Variants in ADGRA3 observed in about 807,000 individuals in gnomAD.
ADGRA3 encodes G-protein coupled receptor 125.
ADGRA3 carries 56 observed loss-of-function variants against 119.8 expected under a neutral mutation model. The ratio of observed to expected loss-of-function variants is 0.47; its 90% CI spans 0.38 to 0.58. ADGRA3 has a LOEUF of 0.58. Among genes scored for constraint, ADGRA3 ranks in the 20% least tolerant of loss-of-function variants. ADGRA3 has a pLI of 0.00. For missense variants in ADGRA3, 1,516 were observed against 1,649.0 expected (o/e 0.92, Z 1.40); for synonymous variants, 607 against 623.8 (o/e 0.97, Z 0.40).
intron 2 of ADGRA3, among the ~76,000 whole-genome samples, chr4:22,471,301 G>A (rs927409534): frequency 5.9e-5 from 9 of 152,114 alleles, no homozygotes; most frequent in Admixed American, 2.0e-4. Context: ...ACAGAGGCTG[G>A]GGCCTACTTG....
intron 10 of ADGRA3, among the ~76,000 whole-genome samples, chr4:22,432,519 A>G (rs1353553886): frequency 6.6e-6 from 1 of 152,242 alleles, no homozygotes; most frequent in Non-Finnish European, 1.5e-5. Flanking sequence ...GTAAAAATCT[A>G]TATATAAACT....
chr4:22,501,921 G>C (rs991878476), intron 1 of ADGRA3, among the ~76,000 whole-genome samples: 4 of 38,632 alleles, frequency 1.0e-4, no homozygotes, highest in African/African-American at 5.3e-4. Flanking sequence ...ACTCGAATGT[G>C]TAATTTTTTT....
intron 12 of ADGRA3, among the ~76,000 whole-genome samples, chr4:22,419,823 GA>G (rs1715578736): frequency 6.6e-6 from 1 of 152,016 alleles, no homozygotes; most frequent in South Asian, 2.1e-4. Context: ...AGGTCCAAAG[GA>G]GTGTGGCACA....
intron 1 of ADGRA3, among the ~76,000 whole-genome samples, chr4:22,493,639 G>C (rs1290569127): frequency 6.6e-6 from 1 of 152,108 alleles, no homozygotes; most frequent in Admixed American, 6.6e-5. Context: ...CGAAGGTGGG[G>C]CCTAGCAATC....
chr4:22,451,443 C>G (rs946919266), intron 4 of ADGRA3, among the ~76,000 whole-genome samples: 4 of 152,040 alleles, frequency 2.6e-5, no homozygotes, highest in Non-Finnish European at 4.4e-5. Flanking sequence ...TACAGTGGGA[C>G]AGAGTGAGAA....
intron 12 of ADGRA3, among the ~76,000 whole-genome samples, chr4:22,415,266 T>C (rs1715383104): frequency 6.6e-6 from 1 of 152,198 alleles, no homozygotes; most frequent in African/African-American, 2.4e-5. Flanking sequence ...AAAACAATTC[T>C]ACTTAAGCAA....
chr4:22,469,128 C>T (rs1293996827), intron 2 of ADGRA3, among the ~76,000 whole-genome samples: 5 of 152,048 alleles, frequency 3.3e-5, no homozygotes, highest in South Asian at 2.1e-4. Context: ...TGCTCACTTC[C>T]CTCCCTCACC....
At chr4:22,404,884 T>A (rs774669951) in intron 14 of ADGRA3, among the ~76,000 whole-genome samples, 3 of 152,202 alleles carry the variant, frequency 2.0e-5, no homozygotes, top group Non-Finnish European at 2.9e-5. Flanking sequence ...CCAAATTCAA[T>A]GAAAAGCTTC....
At chr4:22,471,846 G>C (rs920389160) in intron 2 of ADGRA3, among the ~76,000 whole-genome samples, 13 of 152,128 alleles carry the variant, frequency 8.5e-5, no homozygotes, top group African/African-American at 3.1e-4. Context: ...AACAATCACA[G>C]CACCTTGGTA....
intron 1 of ADGRA3, among the ~76,000 whole-genome samples, chr4:22,486,599 G>A (rs931174848): frequency 3.3e-5 from 5 of 152,158 alleles, no homozygotes; most frequent in African/African-American, 1.2e-4. Flanking sequence ...AAGAAAGGGA[G>A]GCAGATGCAG....
At chr4:22,479,170 T>C (rs570905533) in intron 1 of ADGRA3, among the ~76,000 whole-genome samples, 88 of 152,144 alleles carry the variant, frequency 5.8e-4, no homozygotes, top group Middle Eastern at 3.4e-3. Flanking sequence ...TGGTGATCAT[T>C]AAAAAGTCAG....
At chr4:22,416,269 A>T (rs368460435) in intron 12 of ADGRA3, among the ~76,000 whole-genome samples, 1 of 152,218 alleles carries the variant, frequency 6.6e-6, no homozygotes, top group Non-Finnish European at 1.5e-5. Flanking sequence ...TATATGGATT[A>T]TATCAATGGA....
At chr4:22,442,534 T>C in intron 7 of ADGRA3, 116 bp downstream of exon 7, 1 of 651,668 alleles carries the variant, frequency 1.5e-6, no homozygotes, top group Non-Finnish European at 2.5e-6. Context: ...ATGTTTGCAT[T>C]TTTAAATACA....
intron 1 of ADGRA3, among the ~76,000 whole-genome samples, chr4:22,501,502 G>A (rs1317513254): frequency 6.6e-6 from 1 of 151,850 alleles, no homozygotes; most frequent in Non-Finnish European, 1.5e-5. Flanking sequence ...AAATTAAAGA[G>A]CAAGAAAGAA....
intron 2 of ADGRA3, 79 bp from the exon 3 acceptor site, chr4:22,461,887 C>T (rs531488194): frequency 3.8e-6 from 3 of 796,216 alleles, no homozygotes; most frequent in East Asian, 2.8e-5. Context: ...ACCTGCTATA[C>T]AAAAAAAACA....
At chr4:22,416,903 A>C (rs1434081295) in intron 12 of ADGRA3, among the ~76,000 whole-genome samples, 1 of 152,190 alleles carries the variant, frequency 6.6e-6, no homozygotes, top group Non-Finnish European at 1.5e-5. Context: ...ACTACATCTT[A>C]ACATCTTTCC....
At chr4:22,499,018 A>G (rs1322150838) in intron 1 of ADGRA3, among the ~76,000 whole-genome samples, 2 of 152,184 alleles carry the variant, frequency 1.3e-5, no homozygotes, top group Admixed American at 1.3e-4. Flanking sequence ...GGCAGGTCTC[A>G]GCTTGTAAGT....
chr4:22,475,460 C>A (rs1478722612), intron 1 of ADGRA3, among the ~76,000 whole-genome samples: 1 of 152,074 alleles, frequency 6.6e-6, no homozygotes, highest in Non-Finnish European at 1.5e-5. Flanking sequence ...AGGCCGGGGG[C>A]GGCGGCTCAC....
At position 22,388,872 on chromosome 4, in the gene ADGRA3, C is replaced by T. The variant is rs1174910166; in HGVS notation, c.2799G>A (p.Met933Ile). ...ACTGAATAAATATGCTCAGAAAGTA[C>T]ATGCAGTTTACAAAAGTGATGAAGC... ...PASFITFVNC[M>I]YFLSIFIQLK... Residue 933 changes from methionine (M) to isoleucine (I), a missense_variant, in exon 19 of 19, where the codon ATG becomes ATA. By Grantham distance (10) the Met-to-Ile change is conservative. This residue lies in a region of ADGRA3 where 1,088 missense variants were observed against 1,107.1 expected (regional missense o/e 0.98). Coordinates refer to ENST00000334304, the MANE Select transcript of ADGRA3 (RefSeq NM_145290.4). The T allele has an allele frequency of 1.2e-6, 2 of 1,613,990 alleles. No homozygotes were observed. Among genetic ancestry groups the T allele is most frequent in the African/African-American group, 1.3e-5 (1 of 74,918 alleles).
Sources: allele counts gnomAD v4.1 joint callset (sites outside exome capture counted in the v4.1 genomes callset), GRCh38; gene constraint gnomAD v4.1.1; regional missense constraint gnomAD v4.1.1; transcripts MANE v1.5; gene names NCBI Gene and HGNC (gene_info 2026-07-23, HGNC 2026-07-21).